PTPRG: variants seen among roughly 807,000 people sequenced by gnomAD.
PTPRG encodes receptor-type tyrosine-protein phosphatase gamma.
In PTPRG, 102 loss-of-function variants were observed where a neutral mutation model predicts 165.3. The observed-to-expected ratio is 0.62, with a 90% CI of 0.53 to 0.73. PTPRG has a LOEUF of 0.73. Ranked by LOEUF, PTPRG falls within the 30% of genes least tolerant of loss-of-function variation. PTPRG has a pLI of 0.00. For synonymous variants in PTPRG, 675 were observed against 669.5 expected, an observed-to-expected ratio of 1.01 and a Z score of -0.13; for missense variants, 1,866 against 1,861.4, an observed-to-expected ratio of 1.00 and a Z score of -0.05.
chr3:61,735,415 C>T (rs933651212), intron 1 of PTPRG, among the ~76,000 whole-genome samples: 1 of 152,104 alleles, frequency 6.6e-6, no homozygotes, highest in Non-Finnish European at 1.5e-5. Context: ...GGAAAGGAAG[C>T]AAATCTAACA....
chr3:62,167,936 T>C (rs1231309235), intron 7 of PTPRG, 35 bp from the exon 8 acceptor site: 1 of 1,561,266 alleles, frequency 6.4e-7, no homozygotes, highest in Admixed American at 1.7e-5. Context: ...GTGTTGTTTT[T>C]TTTTTCCCCC....
intron 1 of PTPRG, among the ~76,000 whole-genome samples, chr3:61,563,867 G>C (rs1405198906): frequency 6.6e-6 from 1 of 152,178 alleles, no homozygotes; most frequent in Non-Finnish European, 1.5e-5. Flanking sequence ...GGATGGCCTC[G>C]AGGGGCAGAA....
At chr3:61,898,554 T>A (rs2038420479) in intron 2 of PTPRG, among the ~76,000 whole-genome samples, 1 of 152,212 alleles carries the variant, frequency 6.6e-6, no homozygotes, top group Non-Finnish European at 1.5e-5. Flanking sequence ...TCATCTGAGT[T>A]CATATTTAAA....
At chr3:62,080,617 C>T (rs909669802) in intron 5 of PTPRG, among the ~76,000 whole-genome samples, 13 of 152,056 alleles carry the variant, frequency 8.5e-5, no homozygotes, top group Non-Finnish European at 1.8e-4. Flanking sequence ...TCATAGGGAA[C>T]CTTTCTTAAA....
At chr3:61,989,017 T>C (rs2040825987) in intron 2 of PTPRG, among the ~76,000 whole-genome samples, 1 of 152,208 alleles carries the variant, frequency 6.6e-6, no homozygotes, top group African/African-American at 2.4e-5. Flanking sequence ...CTGCATTTTC[T>C]ACGAGAGAGA....
chr3:62,078,616 A>C (rs1241386626), intron 5 of PTPRG, among the ~76,000 whole-genome samples: 1 of 152,148 alleles, frequency 6.6e-6, no homozygotes, highest in African/African-American at 2.4e-5. Flanking sequence ...AAAATTTGAC[A>C]TTACTTGCAA....
intron 2 of PTPRG, among the ~76,000 whole-genome samples, chr3:61,832,389 G>A (rs1250655542): frequency 1.3e-5 from 2 of 152,164 alleles, no homozygotes; most frequent in Non-Finnish European, 2.9e-5. Flanking sequence ...CTATGAGATA[G>A]GTACTGTGAT....
At chr3:61,968,904 T>C (rs1014687026) in intron 2 of PTPRG, among the ~76,000 whole-genome samples, 1 of 152,182 alleles carries the variant, frequency 6.6e-6, no homozygotes, top group Non-Finnish European at 1.5e-5. Context: ...AGCTCACCTT[T>C]ATTTAAACCT....
At chr3:61,571,584 C>T (rs973914439) in intron 1 of PTPRG, among the ~76,000 whole-genome samples, 2 of 152,080 alleles carry the variant, frequency 1.3e-5, no homozygotes, top group Non-Finnish European at 2.9e-5. Flanking sequence ...ACTTTAGCTT[C>T]TGAATAAGCT....
chr3:62,025,482 C>T (rs1415476475), intron 4 of PTPRG, among the ~76,000 whole-genome samples: 4 of 152,044 alleles, frequency 2.6e-5, no homozygotes, highest in Non-Finnish European at 5.9e-5. Flanking sequence ...TCTTATTTTA[C>T]AGTAACCAAA....
At chr3:61,806,934 C>T (rs2035436808) in intron 2 of PTPRG, among the ~76,000 whole-genome samples, 1 of 152,140 alleles carries the variant, frequency 6.6e-6, no homozygotes, top group South Asian at 2.1e-4. Flanking sequence ...ACAGCAGCAC[C>T]ACAGCTTTTG....
rs1700547022 is a variant in PTPRG, at chr3:62,217,774, C to G, written c.2156-1077C>G. The G allele has an allele frequency of 6.6e-6, 1 of 152,654 alleles. No homozygotes were observed. The highest frequency in any genetic ancestry group is 1.5e-5 in the Non-Finnish European group (1 of 68,434). 9.5% of individuals were successfully genotyped at this position (152,654 alleles called of 1,614,324 possible). On this transcript the variant is annotated intron_variant, in intron 12 of 29. Coordinates refer to ENST00000474889, the MANE Select transcript of PTPRG (RefSeq NM_002841.4). The surrounding 1 kb of genome is among the most constrained non-coding windows in gnomAD (Gnocchi z 4.3). ...CCACCTGGCATGTTCCGGGCATCTT[C>G]TTCACAGTGGAAGGGAAGATAGGAT...
chr3:61,736,513 G>T (rs780466898), intron 1 of PTPRG, among the ~76,000 whole-genome samples: 3 of 151,816 alleles, frequency 2.0e-5, no homozygotes, highest in Non-Finnish European at 4.4e-5. Context: ...TAATTCAGAT[G>T]AAGAAGGGTG....
intron 8 of PTPRG, among the ~76,000 whole-genome samples, chr3:62,186,776 A>G (rs558094497): frequency 6.6e-6 from 1 of 151,896 alleles, no homozygotes; most frequent in African/African-American, 2.4e-5. Flanking sequence ...CATGTTGTCC[A>G]GGTTGCTCTC....
chr3:62,036,946 C>G (rs1226219534), intron 4 of PTPRG, among the ~76,000 whole-genome samples: 1 of 151,068 alleles, frequency 6.6e-6, no homozygotes, highest in Non-Finnish European at 1.5e-5. Context: ...GCCACCACTT[C>G]CCTACCTCCC....
At chr3:62,160,784 T>C (rs890749831) in intron 7 of PTPRG, among the ~76,000 whole-genome samples, 14 of 152,118 alleles carry the variant, frequency 9.2e-5, no homozygotes, top group African/African-American at 3.4e-4. Flanking sequence ...TGAATTTTAC[T>C]TAAGTGCTTG....
chr3:62,254,885 T>C lies in PTPRG; in HGVS notation c.2468-239T>C, dbSNP rs1236231393. Among the ~76,000 whole-genome samples the C allele has an allele frequency of 6.6e-6, 1 of 152,150 alleles. No individual in the cohort carries two copies. Reference sequence around the variant, plus strand: ...TTGAATATAAAAATAAGGGGAATTCTCTATGTACCTTTTTTTAAAAACCAT... The same window carrying C: ...TTGAATATAAAAATAAGGGGAATTCCCTATGTACCTTTTTTTAAAAACCAT... On this transcript the variant is annotated intron_variant, in intron 15 of 29. Coordinates refer to ENST00000474889, the MANE Select transcript of PTPRG (RefSeq NM_002841.4). The surrounding 1 kb of genome is among the most constrained non-coding windows in gnomAD (Gnocchi z 4.6).
Position 61,762,427 on chromosome 3 carries a change from C to T in PTPRG, c.190+13445C>T, listed in dbSNP as rs148462008. On this transcript the variant is annotated intron_variant, in intron 2 of 29. Coordinates refer to ENST00000474889, the MANE Select transcript of PTPRG (RefSeq NM_002841.4). Reference sequence around the variant, plus strand: ...AATAGTTCGAGACCAGCCTGGCCAACGTGGTGAAACCCGTCTCTACTAAAA... The same window carrying T: ...AATAGTTCGAGACCAGCCTGGCCAATGTGGTGAAACCCGTCTCTACTAAAA... Among the ~76,000 whole-genome samples, 27 of 152,064 alleles carry T rather than the reference C, an allele frequency of 1.8e-4. No homozygotes were observed. In the East Asian group the frequency reaches 4.5e-3, roughly 25 times the overall value.
intron 4 of PTPRG, among the ~76,000 whole-genome samples, chr3:62,057,701 G>GC (rs1700678543): frequency 6.6e-6 from 1 of 152,092 alleles, no homozygotes; most frequent in Admixed American, 6.6e-5. Context: ...CCAGTAGAAT[G>GC]CTTAAAAAGA....
Sources: gnomAD v4.1 joint callset for allele counts (sites outside exome capture counted in the v4.1 genomes callset) on GRCh38, gnomAD v4.1.1 for gene constraint, Gnocchi (gnomAD v3.1) non-coding constraint, MANE v1.5 for transcripts, NCBI Gene and HGNC (gene_info 2026-07-23, HGNC 2026-07-21) for gene names.